The following ZNF48 variants were observed in gnomAD, a reference collection of about 807,000 sequenced individuals.
ZNF48 encodes the protein zinc finger protein 553.
Under a neutral mutation model 40.0 loss-of-function variants are expected in ZNF48, and 20 were observed. The ratio of observed to expected loss-of-function variants is 0.50; its 90% CI spans 0.35 to 0.73. The LOEUF is 0.73. ZNF48 is among the 30% of genes least tolerant of loss of function. The pLI is 0.01. For synonymous variants in ZNF48, 298 were observed against 329.7 expected, an observed-to-expected ratio of 0.90 and a Z score of 1.04; for missense variants, 726 against 851.9, an observed-to-expected ratio of 0.85 and a Z score of 1.84.
upstream of ZNF48, among the ~76,000 whole-genome samples, chr16:30,390,923 C>G (rs2049938063): frequency 6.7e-6 from 1 of 150,046 alleles, no homozygotes; most frequent in South Asian, 2.1e-4. Context: ...CGCGCCTGGC[C>G]AGAGACAGGG....
At chr16:30,383,751 A>G (rs1180860855) in intron 1 of ZNF48, among the ~76,000 whole-genome samples, 1 of 152,186 alleles carries the variant, frequency 6.6e-6, no homozygotes. Context: ...AGCTGGCCTC[A>G]TCACCCCATC....
Position 30,379,613 on chromosome 16 carries a change from C to G in ZNF48, c.-16+1203C>G, listed in dbSNP as rs901361631. The stretch of plus-strand genomic sequence containing the variant: ...CTTTCCCAGCTTCAATCTCCACACC[C>G]GCCTCCTCTGCTTCCTGCCCCTTCC... On this transcript the variant is annotated intron_variant, in intron 1 of 2. Transcript: ENST00000528032. 6.5e-6 allele frequency: 6 copies of G among 922,882 alleles called. No homozygotes were observed. The Admixed American group carries it at 1.1e-4, about 17-fold the overall frequency. The allele number at this position is 922,882 out of a possible 1,614,324, so 57.2% of individuals were successfully genotyped here.
exon 1 of ZNF48, chr16:30,378,360 C>T (rs1478511427): frequency 2.2e-6 from 3 of 1,370,852 alleles, no homozygotes; most frequent in African/African-American, 1.5e-5. Context: ...GGGCGCTGGG[C>T]AGTGTGGGGC....
rs147007529 is a variant in ZNF48, at chr16:30,382,361, T to C, written c.-16+3951T>C. On this transcript the variant is annotated intron_variant, in intron 1 of 2. Transcript: ENST00000528032. The surrounding 1 kb of genome is among the most constrained non-coding windows in gnomAD (Gnocchi z 4.8). Reference sequence around the variant, plus strand: ...GAGGGCAGCAAAACCCACGTACTCCTTGTCCTATGGATGGGGGTGGACAAT... The same window carrying C: ...GAGGGCAGCAAAACCCACGTACTCCCTGTCCTATGGATGGGGGTGGACAAT... 5.0e-5 allele frequency: 80 copies of C among 1,611,040 alleles called. No individual in the cohort carries two copies. The highest frequency in any genetic ancestry group is 6.5e-5 in the Non-Finnish European group (77 of 1,178,310).
chr16:30,390,613 T>G (rs1181433033), upstream of ZNF48, among the ~76,000 whole-genome samples: 213 of 54,984 alleles, frequency 3.9e-3, 8 homozygotes, highest in African/African-American at 8.5e-3. Flanking sequence ...TTTTTTTTTT[T>G]TTTTTTTTTT....
In ZNF48 at chr16:30,381,712, G is replaced by A. The variant is rs1367537670; in HGVS notation, c.-16+3302G>A. The A allele has an allele frequency of 1.2e-6, 2 of 1,607,114 alleles. No individual in the cohort carries two copies. Among genetic ancestry groups the A allele is most frequent in the East Asian group, 2.2e-5 (1 of 44,838 alleles). ...AACCAGTCCTGTAACTCTCCAGGGA[G>A]TCGCCACTGTGAAAGGCTGAGCCTC... On this transcript the variant is annotated intron_variant, in intron 1 of 2. Transcript: ENST00000528032. The surrounding 1 kb of genome is among the most constrained non-coding windows in gnomAD (Gnocchi z 4.3).
chr16:30,398,473 C>T lies in ZNF48; in HGVS notation c.1223C>T (p.Thr408Ile). 6 of 1,586,474 alleles carry T rather than the reference C, an allele frequency of 3.8e-6. No individual in the cohort carries two copies. Among genetic ancestry groups the T allele is most frequent in the Non-Finnish European group, 5.2e-6 (6 of 1,164,376 alleles). Residue 408 changes from threonine (T) to isoleucine (I), a missense_variant, in exon 3 of 3, where the codon ACC becomes ATC. Physicochemically the swap from Thr to Ile is moderately conservative, Grantham distance 89. Coordinates refer to ENST00000613509, the MANE Select transcript of ZNF48 (RefSeq NM_001214909.2). This position sits in a 1 kb window ranked among gnomAD's most constrained non-coding sequence, Gnocchi z 6.6. ...AGCCCACCCCCACCTCCTCTGGGCA[C>T]CAGCCCCCCGCTGACACCTCGAAGT... ...IPSPPPPPLG[T>I]SPPLTPRSPS...
chr16:30,398,339 A>G lies in ZNF48; in HGVS notation c.1089A>G (p.Glu363=), dbSNP rs777633920. The change falls in exon 3 of 3, where the codon GAA becomes GAG. Residue 363 remains glutamate, a synonymous_variant. Coordinates refer to ENST00000613509, the MANE Select transcript of ZNF48 (RefSeq NM_001214909.2). This position sits in a 1 kb window ranked among gnomAD's most constrained non-coding sequence, Gnocchi z 6.6. The part of the protein sequence containing the change: ...HSGERPHACP[E]CDRTFSLSST... ...GCGAGAGGCCCCATGCCTGCCCGGA[A>G]TGCGACCGTACCTTCAGCCTCAGCT... is the stretch of plus-strand genomic sequence containing the variant. 6.2e-7 allele frequency: 1 copy of G among 1,613,394 alleles called. No individual in the cohort carries two copies. Among genetic ancestry groups the G allele is most frequent in the South Asian group, 1.1e-5 (1 of 91,052 alleles).
At position 30,397,466 on chromosome 16, in the gene ZNF48, C is replaced by T. The variant is rs202115292; in HGVS notation, c.216C>T (p.Ile72=). 1 of 1,614,136 alleles carries T rather than the reference C, an allele frequency of 6.2e-7. No homozygotes were observed. Among genetic ancestry groups the T allele is most frequent in the Admixed American group, 1.7e-5 (1 of 60,004 alleles). The change falls in exon 3 of 3, where the codon ATC becomes ATT. Residue 72 remains isoleucine, a synonymous_variant. Coordinates refer to ENST00000613509, the MANE Select transcript of ZNF48 (RefSeq NM_001214909.2). This position sits in a 1 kb window ranked among gnomAD's most constrained non-coding sequence, Gnocchi z 4.1. ...VGNASLKPEG[I]QNWDDLWVQR... is the part of the protein sequence containing the mutation. ...ATGCCTCTCTCAAACCTGAAGGCATCCAGAACTGGGATGACTTATGGGTCC... is the reference window on the plus strand; with the variant it reads ...ATGCCTCTCTCAAACCTGAAGGCATTCAGAACTGGGATGACTTATGGGTCC...
Position 30,382,666 on chromosome 16 carries a change from A to G in ZNF48, c.-16+4256A>G. On this transcript the variant is annotated intron_variant, in intron 1 of 2. Transcript: ENST00000528032. This position sits in a 1 kb window ranked among gnomAD's most constrained non-coding sequence, Gnocchi z 4.8. ...CTGGCCCAGTCCCAGAGAGGTGGGG[A>G]AGGCCAAGGCCAAGAACACTTGGGG... The G allele has an allele frequency of 6.5e-7, 1 of 1,533,204 alleles. No homozygotes were observed. Among genetic ancestry groups the G allele is most frequent in the South Asian group, 1.2e-5 (1 of 83,930 alleles). The allele number at this position is 1,533,204 out of a possible 1,614,324, so 95.0% of individuals were successfully genotyped here. A position where few individuals can be genotyped will look rare whatever the true frequency, so the allele number is the denominator to read the frequency against.
intron 1 of ZNF48, chr16:30,379,269 T>G (rs1468677259): frequency 4.5e-6 from 7 of 1,546,660 alleles, no homozygotes; most frequent in Non-Finnish European, 2.7e-6. Flanking sequence ...AGGAAAGTCC[T>G]GCTGCCACTC....
intron 1 of ZNF48, chr16:30,378,576 G>GC: frequency 6.2e-7 from 1 of 1,609,188 alleles, no homozygotes; most frequent in Non-Finnish European, 8.5e-7. Flanking sequence ...GGGACCTGGG[G>GC]CATCGGTCGG....
At chr16:30,379,932 C>T (rs777629073) in intron 1 of ZNF48, 25 of 1,504,256 alleles carry the variant, frequency 1.7e-5, no homozygotes, top group Non-Finnish European at 2.3e-5. Flanking sequence ...TTTCCCACAC[C>T]TTCATCTCTG....
At position 30,381,480 on chromosome 16, in the gene ZNF48, G is replaced by A; in HGVS notation, c.-16+3070G>A. ...TTTCACCACCGGAAGCCAGCTGGGT[G>A]TGGGGAGAGGATGTGAGGTCAGAGA... On this transcript the variant is annotated intron_variant, in intron 1 of 2. Coordinates refer to the ZNF48 transcript ENST00000528032. This position sits in a 1 kb window ranked among gnomAD's most constrained non-coding sequence, Gnocchi z 4.3. 2 of 1,614,020 alleles carry A rather than the reference G, an allele frequency of 1.2e-6. No individual in the cohort carries two copies. Among genetic ancestry groups the A allele is most frequent in the Non-Finnish European group, 1.7e-6 (2 of 1,179,988 alleles).
rs370030561 is a variant in ZNF48 at position 30,381,919 on chromosome 16, G to T, written c.-16+3509G>T. 1.1e-4 allele frequency: 179 copies of T among 1,612,478 alleles called. No homozygotes were observed. The highest frequency in any genetic ancestry group is 1.5e-4 in the Non-Finnish European group (172 of 1,179,306). ...GGGGAGAGGTCAGGGATCCGGGGAG[G>T]CTCTGAGGCAGAATTAATTTCCTTT... is the stretch of plus-strand genomic sequence containing the variant. On this transcript the variant is annotated intron_variant, in intron 1 of 2. Transcript: ENST00000528032. This position sits in a 1 kb window ranked among gnomAD's most constrained non-coding sequence, Gnocchi z 4.3.
At chr16:30,378,454 C>A (rs1053587490) in intron 1 of ZNF48, 2 of 1,569,962 alleles carry the variant, frequency 1.3e-6, no homozygotes, top group East Asian at 2.3e-5. Flanking sequence ...TCTGACTGCT[C>A]GCCCTGGGCC....
chr16:30,380,089 C>T, intron 1 of ZNF48: 1 of 1,449,914 alleles, frequency 6.9e-7, no homozygotes, highest in Non-Finnish European at 9.4e-7. Flanking sequence ...ACAGACATTT[C>T]ATGACCAGAG....
At chr16:30,393,202 A>T (rs1247265396), upstream of ZNF48, among the ~76,000 whole-genome samples, 1 of 148,170 alleles carries the variant, frequency 6.7e-6, no homozygotes, top group East Asian at 2.0e-4. Context: ...TCAGCCTCCC[A>T]AGTAGCTGGG....
intron 1 of ZNF48, among the ~76,000 whole-genome samples, chr16:30,386,655 T>A (rs181972006): frequency 1.3e-5 from 2 of 149,858 alleles, no homozygotes; most frequent in African/African-American, 4.9e-5. Flanking sequence ...GATATCACCA[T>A]TTTTTTTTTC....
Sources: allele counts gnomAD v4.1 joint callset (sites outside exome capture counted in the v4.1 genomes callset), GRCh38; gene constraint gnomAD v4.1.1; non-coding constraint Gnocchi (gnomAD v3.1); transcripts MANE v1.5; gene names NCBI Gene and HGNC (gene_info 2026-07-23, HGNC 2026-07-21).